PSME4: variants seen among roughly 807,000 people sequenced by gnomAD.
PSME4 encodes the protein proteasome activator complex subunit 4.
In PSME4, 89 loss-of-function variants were observed where a neutral mutation model predicts 253.9. The ratio of observed to expected loss-of-function variants is 0.35; its 90% CI spans 0.30 to 0.42. PSME4 has a LOEUF of 0.42. PSME4 is among the 10% of genes least tolerant of loss of function. The probability of loss-of-function intolerance (pLI) is 1.00; values close to 1 mark genes in which losing one functional copy is unlikely to be tolerated. For synonymous variants in PSME4, 851 were observed against 759.2 expected, an observed-to-expected ratio of 1.12 and a Z score of -1.99; for missense variants, 2,014 against 2,195.2, an observed-to-expected ratio of 0.92 and a Z score of 1.65.
intron 1 of PSME4, among the ~76,000 whole-genome samples, chr2:53,958,259 GGT>G (rs1670324067): frequency 6.6e-6 from 1 of 151,876 alleles, no homozygotes; most frequent in Non-Finnish European, 1.5e-5. Flanking sequence ...GGGAGGCTGA[GGT>G]GGGAGAACTG....
chr2:53,919,967 A>G (rs1419775713), intron 19 of PSME4, among the ~76,000 whole-genome samples: 1 of 152,174 alleles, frequency 6.6e-6, no homozygotes, highest in Non-Finnish European at 1.5e-5. Context: ...AGTAGAAGGT[A>G]ATAAAAAAAA....
At position 53,874,417 on chromosome 2, in the gene PSME4, A is replaced by G; in HGVS notation, c.5022T>C (p.Phe1674=). 1 of 1,613,952 alleles carries G rather than the reference A, an allele frequency of 6.2e-7. No homozygotes were observed. Among genetic ancestry groups the G allele is most frequent in the Non-Finnish European group, 8.5e-7 (1 of 1,179,818 alleles). The change falls in exon 43 of 47, where the codon TTT becomes TTC. Residue 1674 remains phenylalanine, a synonymous_variant. Coordinates refer to ENST00000404125, the MANE Select transcript of PSME4 (RefSeq NM_014614.3). ...CTGCATCTTCATTGTTTAGGAAAAT[A>G]AAGAGGTTATAAAATACCATGGTCT... ...YLQTMVFYNL[F]IFLNNEDAVK... is the part of the protein sequence containing the mutation.
intron 24 of PSME4, among the ~76,000 whole-genome samples, 166 bp from the exon 25 acceptor site, chr2:53,907,034 G>A (rs201618242): frequency 8.4e-6 from 1 of 119,088 alleles, no homozygotes; most frequent in Admixed American, 8.3e-5. Context: ...TAAAAATGTT[G>A]TCTTAATTTT....
At chr2:53,938,587 G>T (rs1669234229) in intron 4 of PSME4, among the ~76,000 whole-genome samples, 1 of 151,460 alleles carries the variant, frequency 6.6e-6, no homozygotes, top group Non-Finnish European at 1.5e-5. Flanking sequence ...TGCTACTACA[G>T]GAGAGCACCA....
At chr2:53,865,907 C>G in intron 46 of PSME4, 178 bp downstream of exon 46, 2 of 659,356 alleles carry the variant, frequency 3.0e-6, no homozygotes, top group East Asian at 3.0e-5. Flanking sequence ...CAAGGAGGCA[C>G]AGCAAAATTC....
At chr2:53,890,698 T>C (rs377265861) in intron 36 of PSME4, among the ~76,000 whole-genome samples, 33 of 152,154 alleles carry the variant, frequency 2.2e-4, no homozygotes, top group African/African-American at 7.5e-4. Context: ...CCAAAAAATA[T>C]TCAGAAAAGA....
intron 41 of PSME4, among the ~76,000 whole-genome samples, chr2:53,879,589 G>A (rs78542544): frequency 0.043 from 6,489 of 152,106 alleles, 157 homozygotes; most frequent in Non-Finnish European, 0.059. Flanking sequence ...AATACAAGTG[G>A]TTAAATAAAA....
At chr2:53,869,343 T>A in intron 44 of PSME4, 33 bp downstream of exon 44, 2 of 1,553,166 alleles carry the variant, frequency 1.3e-6, no homozygotes, top group South Asian at 1.2e-5. Flanking sequence ...TAATTCCCAA[T>A]AGGATACAGG....
chr2:53,897,258 C>T (rs943208388), intron 31 of PSME4, among the ~76,000 whole-genome samples: 6 of 152,062 alleles, frequency 3.9e-5, no homozygotes, highest in African/African-American at 1.2e-4. Context: ...CAACCTCCCC[C>T]TCCCGGGTTC....
intron 43 of PSME4, among the ~76,000 whole-genome samples, chr2:53,873,007 G>A (rs893668353): frequency 6.6e-6 from 1 of 151,914 alleles, no homozygotes; most frequent in African/African-American, 2.4e-5. Flanking sequence ...TTGGGAAGCT[G>A]AGACAGGCAG....
At chr2:53,918,928 T>G (rs1668178961) in intron 20 of PSME4, among the ~76,000 whole-genome samples, 2 of 152,228 alleles carry the variant, frequency 1.3e-5, no homozygotes, top group African/African-American at 2.4e-5. Flanking sequence ...ATTTTAAAAT[T>G]AATACCTAAA....
At chr2:53,925,200 G>A (rs1389295874) in intron 14 of PSME4, among the ~76,000 whole-genome samples, 2 of 152,152 alleles carry the variant, frequency 1.3e-5, no homozygotes, top group Admixed American at 6.5e-5. Flanking sequence ...TAAATAGATC[G>A]CAAAGGGGAC....
At chr2:53,917,486 G>A (rs1668113345) in intron 20 of PSME4, among the ~76,000 whole-genome samples, 1 of 152,078 alleles carries the variant, frequency 6.6e-6, no homozygotes, top group African/African-American at 2.4e-5. Context: ...CAGTGTACAT[G>A]GCATCAAGAT....
At position 53,920,207 on chromosome 2, in the gene PSME4, T is replaced by G. The variant is rs1226595148; in HGVS notation, c.2406A>C (p.Lys802Asn). 1.9e-5 allele frequency: 31 copies of G among 1,609,186 alleles called. No homozygotes were observed. The highest frequency in any genetic ancestry group is 2.6e-5 in the Non-Finnish European group (31 of 1,177,846). The change falls in exon 19 of 47, where the codon AAA (lysine) becomes AAC (asparagine). Residue 802 changes from lysine (K) to asparagine (N), a missense_variant. By Grantham distance (94) the Lys-to-Asn change is moderately conservative (BLOSUM62 0). Around this residue, in one of 4 missense-constraint regions of PSME4, gnomAD observed 989 missense variants for 1,021.1 expected, o/e 0.97. Transcript: ENST00000404125. ...ATAAAACCAACCTAGACATTTCAAG[T>G]TTTCCATCCCCACAATGCTGGAGTT... The part of the protein sequence containing the change: ...LVKLQHCGDG[K>N]LEMSRDDILQ...
chr2:53,924,072 A>C (rs1668453700), intron 14 of PSME4, among the ~76,000 whole-genome samples: 1 of 152,166 alleles, frequency 6.6e-6, no homozygotes, highest in Admixed American at 6.5e-5. Flanking sequence ...GGAATACCTA[A>C]TACAATTTGT....
chr2:53,956,031 G>A (rs965879503), intron 1 of PSME4, among the ~76,000 whole-genome samples: 1 of 151,314 alleles, frequency 6.6e-6, no homozygotes, highest in African/African-American at 2.4e-5. Context: ...TTGAGAGACT[G>A]AGACAGGCAG....
At chr2:53,943,767 G>A (rs1245858833) in intron 3 of PSME4, among the ~76,000 whole-genome samples, 4 of 150,424 alleles carry the variant, frequency 2.7e-5, no homozygotes, top group African/African-American at 7.4e-5. Context: ...GCTTGAACTC[G>A]GGAGGCGGAG....
chr2:53,948,366 C>T (rs1669823101), intron 3 of PSME4, 55 bp downstream of exon 3: 2 of 1,014,978 alleles, frequency 2.0e-6, no homozygotes, highest in African/African-American at 1.6e-5. Context: ...TCATGATCAC[C>T]CCCCTAAAAA....
chr2:53,867,547 T>G (rs1573176910), intron 44 of PSME4, among the ~76,000 whole-genome samples: 1 of 145,910 alleles, frequency 6.9e-6, no homozygotes. Context: ...TGCATGCCTG[T>G]GGTTCCAGCT....
Sources: gnomAD v4.1 joint callset for allele counts (sites outside exome capture counted in the v4.1 genomes callset) on GRCh38, gnomAD v4.1.1 for gene constraint, gnomAD v4.1.1 regional missense constraint, MANE v1.5 for transcripts, NCBI Gene and HGNC (gene_info 2026-07-23, HGNC 2026-07-21) for gene names.